CFAP20DC: variants seen among roughly 807,000 people sequenced by gnomAD.
The protein encoded by CFAP20DC is CFAP20 domain containing, also known as protein CFAP20DC.
In CFAP20DC, 84 loss-of-function variants were observed where a neutral mutation model predicts 101.7. That is an observed-to-expected ratio of 0.83 (90% CI 0.69 to 0.99). CFAP20DC has a LOEUF of 0.99. CFAP20DC is among the 50% of genes least tolerant of loss of function. The pLI is 0.00. For missense variants in CFAP20DC, 1,007 were observed against 970.3 expected, an observed-to-expected ratio of 1.04 and a Z score of -0.50; for synonymous variants, 359 against 351.2, an observed-to-expected ratio of 1.02 and a Z score of -0.25.
At chr3:58,934,084 G>T (rs998628454) in intron 5 of CFAP20DC, among the ~76,000 whole-genome samples, 8 of 152,186 alleles carry the variant, frequency 5.3e-5, no homozygotes, top group African/African-American at 1.9e-4. Flanking sequence ...AAATGATAAA[G>T]GGGATATCAC....
chr3:58,991,490 T>G (rs537320552), intron 4 of CFAP20DC, among the ~76,000 whole-genome samples: 1 of 152,324 alleles, frequency 6.6e-6, no homozygotes, highest in South Asian at 2.1e-4. Context: ...GGTCTATATT[T>G]GCTTAAAATA....
At chr3:58,990,909 T>C (rs1391064660) in intron 4 of CFAP20DC, among the ~76,000 whole-genome samples, 1 of 152,204 alleles carries the variant, frequency 6.6e-6, no homozygotes, top group African/African-American at 2.4e-5. Flanking sequence ...ACTCACTTTG[T>C]TATTTTTTTT....
intron 14 of CFAP20DC, among the ~76,000 whole-genome samples, chr3:58,808,015 A>C (rs2074255446): frequency 6.6e-6 from 1 of 152,216 alleles, no homozygotes; most frequent in Non-Finnish European, 1.5e-5. Context: ...GTTTAGAGAA[A>C]AAAGAATAAA....
At chr3:58,780,230 C>A (rs2071699344) in intron 15 of CFAP20DC, among the ~76,000 whole-genome samples, 1 of 151,984 alleles carries the variant, frequency 6.6e-6, no homozygotes, top group Non-Finnish European at 1.5e-5. Context: ...AGTCTCACAC[C>A]TGGAAGTGAA....
chr3:58,817,776 G>A (rs1362020184), intron 14 of CFAP20DC, among the ~76,000 whole-genome samples: 1 of 151,966 alleles, frequency 6.6e-6, no homozygotes, highest in Non-Finnish European at 1.5e-5. Flanking sequence ...TTCAGATTCA[G>A]GAAATACAGA....
At chr3:59,033,175 C>T (rs1337974340) in intron 4 of CFAP20DC, among the ~76,000 whole-genome samples, 2 of 152,128 alleles carry the variant, frequency 1.3e-5, no homozygotes, top group Non-Finnish European at 2.9e-5. Flanking sequence ...AGGATGTCCA[C>T]ACAAAAACCC....
At chr3:58,775,037 T>C (rs1450764154) in intron 15 of CFAP20DC, among the ~76,000 whole-genome samples, 1 of 152,184 alleles carries the variant, frequency 6.6e-6, no homozygotes, top group African/African-American at 2.4e-5. Flanking sequence ...AAGGTTTATT[T>C]TGCCAAGGTT....
In CFAP20DC at chr3:58,795,041, G is replaced by A. The variant is rs553428354; in HGVS notation, c.2237+11354C>T. On this transcript the variant is annotated intron_variant, in intron 15 of 16. Coordinates refer to ENST00000482387, the MANE Select transcript of CFAP20DC (RefSeq NM_001394063.1). This position sits in a 1 kb window ranked among gnomAD's most constrained non-coding sequence, Gnocchi z 4.2. ...ACGGTCTTCCATTTTTTAGGTTAAT[G>A]TTATTCTCCTAAACCTCAACTTGCA... Among the ~76,000 whole-genome samples the A allele has an allele frequency of 3.0e-4, 46 of 152,210 alleles. No homozygotes were observed. Among genetic ancestry groups the A allele is most frequent in the African/African-American group, 1.0e-3 (43 of 41,518 alleles).
chr3:58,909,211 G>A (rs77629498), intron 6 of CFAP20DC, among the ~76,000 whole-genome samples: 1,822 of 152,164 alleles, frequency 0.012, 13 homozygotes, highest in Middle Eastern at 0.034. Context: ...GTACCATTCT[G>A]TTATGCATGT....
chr3:58,977,959 C>T (rs2092350924), intron 4 of CFAP20DC, among the ~76,000 whole-genome samples: 1 of 152,076 alleles, frequency 6.6e-6, no homozygotes, highest in South Asian at 2.1e-4. Context: ...TACAATTTTG[C>T]CTGGGGAAAG....
chr3:58,997,024 G>A (rs2093158312), intron 4 of CFAP20DC, among the ~76,000 whole-genome samples: 1 of 152,170 alleles, frequency 6.6e-6, no homozygotes, highest in South Asian at 2.1e-4. Flanking sequence ...CCTTGTGGAG[G>A]ATTACTGTTT....
chr3:58,812,256 G>A (rs1448093610), intron 14 of CFAP20DC, among the ~76,000 whole-genome samples: 4 of 152,170 alleles, frequency 2.6e-5, no homozygotes, highest in African/African-American at 7.2e-5. Context: ...ACATGCACAC[G>A]TATGTTTATT....
chr3:58,908,614 T>C (rs998175774), intron 6 of CFAP20DC, among the ~76,000 whole-genome samples: 3 of 152,172 alleles, frequency 2.0e-5, no homozygotes, highest in Non-Finnish European at 4.4e-5. Flanking sequence ...AAACTAAACA[T>C]GCTGTTACCA....
At chr3:59,031,074 G>A (rs2093985974) in intron 4 of CFAP20DC, among the ~76,000 whole-genome samples, 1 of 152,166 alleles carries the variant, frequency 6.6e-6, no homozygotes, top group Non-Finnish European at 1.5e-5. Context: ...CACACACCTT[G>A]GCCTCCCAAA....
intron 14 of CFAP20DC, among the ~76,000 whole-genome samples, chr3:58,826,039 C>T (rs1034557521): frequency 6.6e-6 from 1 of 152,150 alleles, no homozygotes. Context: ...TTTTACTCTG[C>T]GTAGGCTTTC....
chr3:59,034,137 G>A (rs917178095), intron 4 of CFAP20DC, among the ~76,000 whole-genome samples: 3 of 152,110 alleles, frequency 2.0e-5, no homozygotes, highest in Non-Finnish European at 4.4e-5. Context: ...CTACAGACAA[G>A]CAAATGCTGA....
chr3:58,933,162 A>G (rs1021055732), intron 5 of CFAP20DC, among the ~76,000 whole-genome samples: 1 of 152,088 alleles, frequency 6.6e-6, no homozygotes, highest in African/African-American at 2.4e-5. Flanking sequence ...ACAAAGATCA[A>G]AAGAGACAAA....
At chr3:58,945,376 G>C (rs1350013787) in intron 4 of CFAP20DC, among the ~76,000 whole-genome samples, 1 of 152,114 alleles carries the variant, frequency 6.6e-6, no homozygotes, top group African/African-American at 2.4e-5. Context: ...TGTTTGAATG[G>C]ACACAGTTCA....
intron 13 of CFAP20DC, among the ~76,000 whole-genome samples, chr3:58,842,409 C>A (rs888782942): frequency 3.9e-5 from 6 of 152,070 alleles, no homozygotes; most frequent in South Asian, 2.1e-4. Context: ...GTGACAGACG[C>A]ACCTGGAAAA....
Sources: allele counts gnomAD v4.1 joint callset (sites outside exome capture counted in the v4.1 genomes callset), GRCh38; gene constraint gnomAD v4.1.1; non-coding constraint Gnocchi (gnomAD v3.1); transcripts MANE v1.5; gene names NCBI Gene and HGNC (gene_info 2026-07-23, HGNC 2026-07-21).